The following HS3ST4 variants were observed in gnomAD, a reference collection of about 807,000 sequenced individuals.
The protein encoded by HS3ST4 is heparan sulfate-glucosamine 3-sulfotransferase 4, also known as heparan sulfate glucosamine 3-O-sulfotransferase 4.
In HS3ST4, 17 loss-of-function variants were observed where a neutral mutation model predicts 29.2. That is an observed-to-expected ratio of 0.58 (90% CI 0.40 to 0.87). The LOEUF (loss-of-function observed/expected upper bound fraction) is 0.87, where lower values mean the gene tolerates loss of function less well. Among genes scored for constraint, HS3ST4 ranks in the 40% least tolerant of loss-of-function variants. The probability of loss-of-function intolerance (pLI) is 0.00; values close to 1 mark genes in which losing one functional copy is unlikely to be tolerated. For missense variants in HS3ST4, 627 were observed against 634.5 expected (o/e 0.99, Z 0.13); for synonymous variants, 314 against 285.7 (o/e 1.10, Z -1.00).
chr16:25,801,160 C>T (rs942850374), intron 1 of HS3ST4, among the ~76,000 whole-genome samples: 1 of 151,970 alleles, frequency 6.6e-6, no homozygotes, highest in African/African-American at 2.4e-5. Flanking sequence ...TTTGGAGGAC[C>T]ACTGTTATAT....
chr16:26,122,525 G>C (rs1272921817), intron 1 of HS3ST4, among the ~76,000 whole-genome samples: 1 of 152,104 alleles, frequency 6.6e-6, no homozygotes, highest in Admixed American at 6.5e-5. Context: ...GCGTGGGCCC[G>C]GTGGAATGAC....
chr16:25,819,784 G>A (rs1487384661), intron 1 of HS3ST4, among the ~76,000 whole-genome samples: 2 of 151,864 alleles, frequency 1.3e-5, no homozygotes, highest in East Asian at 1.9e-4. Flanking sequence ...CTGGAATCCC[G>A]AGGAAATGCC....
chr16:26,120,775 T>C (rs763465103), intron 1 of HS3ST4, among the ~76,000 whole-genome samples: 2 of 152,180 alleles, frequency 1.3e-5, no homozygotes, highest in Non-Finnish European at 1.5e-5. Context: ...GCTGACCAGG[T>C]TTCTTGGATC....
At chr16:25,704,891 A>G (rs915613740) in intron 1 of HS3ST4, among the ~76,000 whole-genome samples, 5 of 151,718 alleles carry the variant, frequency 3.3e-5, no homozygotes, top group Admixed American at 3.3e-4. Flanking sequence ...AAAAAAAAAA[A>G]AAAAATTGTA....
intron 1 of HS3ST4, among the ~76,000 whole-genome samples, chr16:25,806,853 G>T (rs1966995540): frequency 6.6e-6 from 1 of 152,104 alleles, no homozygotes; most frequent in Non-Finnish European, 1.5e-5. Context: ...GTGCATATGG[G>T]TGCGTGTGTG....
At chr16:25,891,543 G>C (rs1169753261) in intron 1 of HS3ST4, among the ~76,000 whole-genome samples, 1 of 152,100 alleles carries the variant, frequency 6.6e-6, no homozygotes, top group Non-Finnish European at 1.5e-5. Flanking sequence ...ATCACCATTT[G>C]GTCTCTGTGT....
intron 1 of HS3ST4, among the ~76,000 whole-genome samples, chr16:25,932,816 G>T (rs541041196): frequency 1.1e-4 from 17 of 152,332 alleles, no homozygotes; most frequent in African/African-American, 4.1e-4. Context: ...CTAAGTGGCA[G>T]ACCTGGTCTT....
At chr16:26,080,785 A>G (rs9806883) in intron 1 of HS3ST4, among the ~76,000 whole-genome samples, 67,168 of 151,836 alleles carry the variant, frequency 0.44, 15,289 homozygotes, top group Middle Eastern at 0.56. Flanking sequence ...GCAGCCAGAG[A>G]AAGACCTCAA....
chr16:26,122,418 C>A (rs1388911932), intron 1 of HS3ST4, among the ~76,000 whole-genome samples: 1 of 147,200 alleles, frequency 6.8e-6, no homozygotes, highest in Non-Finnish European at 1.5e-5. Context: ...GTTTTAAAAA[C>A]CAGTCATATT....
chr16:25,970,668 C>T (rs1410015995), intron 1 of HS3ST4, among the ~76,000 whole-genome samples: 1 of 152,054 alleles, frequency 6.6e-6, no homozygotes, highest in Non-Finnish European at 1.5e-5. Context: ...GCCACCATGC[C>T]TGGCTAAGTT....
chr16:25,984,577 C>A (rs530033095), intron 1 of HS3ST4, among the ~76,000 whole-genome samples: 1 of 152,320 alleles, frequency 6.6e-6, no homozygotes, highest in African/African-American at 2.4e-5. Flanking sequence ...CCTCCTTGCC[C>A]TTCCATCCTC....
At chr16:26,089,817 C>T (rs1179743423) in intron 1 of HS3ST4, among the ~76,000 whole-genome samples, 1 of 152,070 alleles carries the variant, frequency 6.6e-6, no homozygotes, top group Non-Finnish European at 1.5e-5. Flanking sequence ...GAGTTTGAGT[C>T]CTGGCTTGCC....
intron 1 of HS3ST4, among the ~76,000 whole-genome samples, chr16:26,020,222 T>G (rs937405591): frequency 1.3e-5 from 2 of 152,040 alleles, no homozygotes; most frequent in Non-Finnish European, 2.9e-5. Flanking sequence ...ATGACTTGAG[T>G]CAAACTGGGA....
chr16:25,753,169 C>G (rs2141602710), intron 1 of HS3ST4, among the ~76,000 whole-genome samples: 1 of 152,274 alleles, frequency 6.6e-6, no homozygotes, highest in South Asian at 2.1e-4. Context: ...GAGAATGGCA[C>G]TAGGTATGGA....
At chr16:25,779,030 C>G (rs1196938911) in intron 1 of HS3ST4, among the ~76,000 whole-genome samples, 1 of 152,178 alleles carries the variant, frequency 6.6e-6, no homozygotes, top group African/African-American at 2.4e-5. Flanking sequence ...ACACACCCTA[C>G]TGGTTCTGTT....
chr16:26,063,327 T>C (rs1260626474), intron 1 of HS3ST4, among the ~76,000 whole-genome samples: 18 of 152,142 alleles, frequency 1.2e-4, no homozygotes, highest in Admixed American at 1.2e-3. Context: ...CCTCTGTCTG[T>C]ACCCTGCTGT....
intron 1 of HS3ST4, among the ~76,000 whole-genome samples, chr16:25,780,997 A>C (rs570495912): frequency 1.3e-5 from 2 of 152,334 alleles, no homozygotes; most frequent in Non-Finnish European, 2.9e-5. Flanking sequence ...TGCAAAACAC[A>C]GTTGCACATT....
intron 1 of HS3ST4, among the ~76,000 whole-genome samples, chr16:25,862,677 C>T (rs992603640): frequency 4.0e-5 from 6 of 149,434 alleles, no homozygotes; most frequent in African/African-American, 1.5e-4. Flanking sequence ...TTAACGATAC[C>T]GTTTAGTACT....
intron 1 of HS3ST4, among the ~76,000 whole-genome samples, chr16:25,864,681 T>A (rs114791946): frequency 8.6e-4 from 131 of 152,262 alleles, no homozygotes; most frequent in African/African-American, 2.9e-3. Flanking sequence ...TCACGTAATA[T>A]TTTCCAGGTT....
Sources: allele counts gnomAD v4.1 joint callset (sites outside exome capture counted in the v4.1 genomes callset), GRCh38; gene constraint gnomAD v4.1.1; transcripts MANE v1.5; gene names NCBI Gene and HGNC (gene_info 2026-07-23, HGNC 2026-07-21).